NIPAL2: variants seen among roughly 807,000 people sequenced by gnomAD.
The protein encoded by NIPAL2 is NIPA like domain containing 2.
A neutral mutation model predicts 48.9 loss-of-function variants in NIPAL2; 43 were observed. The observed-to-expected ratio is 0.88, with a 90% CI of 0.69 to 1.13. The LOEUF is 1.13. Ranked by LOEUF, NIPAL2 falls within the 50% of genes most tolerant of loss-of-function variation. The pLI, the probability that NIPAL2 is intolerant of heterozygous loss-of-function variation, is 0.00. For missense variants in NIPAL2, 446 were observed against 461.4 expected, an observed-to-expected ratio of 0.97 and a Z score of 0.31; for synonymous variants, 167 against 174.6, an observed-to-expected ratio of 0.96 and a Z score of 0.34.
At chr8:98,207,192 A>C (rs1267496492) in intron 6 of NIPAL2, among the ~76,000 whole-genome samples, 2 of 152,226 alleles carry the variant, frequency 1.3e-5, no homozygotes, top group Non-Finnish European at 2.9e-5. Context: ...ATTGCAAAGG[A>C]CCTTAAAGGT....
Position 98,210,408 on chromosome 8 carries a change from G to A in NIPAL2, c.655+1997C>T, listed in dbSNP as rs1278715322. Among the ~76,000 whole-genome samples, 4 of 152,060 alleles carry A rather than the reference G, an allele frequency of 2.6e-5. No individual in the cohort carries two copies. The East Asian group carries it at 7.7e-4, about 29-fold the overall frequency. On this transcript the variant is annotated intron_variant, in intron 6 of 10. Coordinates refer to ENST00000430223, the MANE Select transcript of NIPAL2 (RefSeq NM_001321635.2). Reference sequence around the variant, plus strand: ...ATTTCCAGGTGGTAGGGTTTTACTGGTTTCTATTTTTGTTATTATTTTTCT... The same window carrying A: ...ATTTCCAGGTGGTAGGGTTTTACTGATTTCTATTTTTGTTATTATTTTTCT...
chr8:98,206,414 G>A (rs904968818), intron 6 of NIPAL2, among the ~76,000 whole-genome samples: 13 of 151,796 alleles, frequency 8.6e-5, no homozygotes, highest in South Asian at 2.1e-4. Flanking sequence ...CCATAATATC[G>A]TTTTCCAAAA....
intron 1 of NIPAL2, among the ~76,000 whole-genome samples, chr8:98,277,873 C>T (rs530332418): frequency 1.1e-4 from 17 of 152,258 alleles, no homozygotes; most frequent in African/African-American, 1.7e-4. Context: ...TCCATTCATC[C>T]GTTGATAGAT....
chr8:98,236,024 G>A (rs1303938716), intron 4 of NIPAL2, 131 bp downstream of exon 4: 7 of 611,894 alleles, frequency 1.1e-5, no homozygotes, highest in Non-Finnish European at 2.0e-5. Flanking sequence ...AATAATGCCT[G>A]ACTCTAAATG....
chr8:98,194,512 G>A (rs530633086), intron 10 of NIPAL2, among the ~76,000 whole-genome samples: 1 of 151,986 alleles, frequency 6.6e-6, no homozygotes. Flanking sequence ...GAGGAAACAT[G>A]GTCAGTTCTT....
At chr8:98,293,311 A>T (rs4288343) in intron 1 of NIPAL2, among the ~76,000 whole-genome samples, 21,296 of 152,212 alleles carry the variant, frequency 0.14, 2,557 homozygotes, top group African/African-American at 0.33. Context: ...TGGCCAGAAC[A>T]CTTCCTCATC....
rs935658163 is a variant in NIPAL2, at chr8:98,192,215, A to G, written c.*763T>C. On this transcript the variant is annotated 3_prime_UTR_variant, in exon 11 of 11. Coordinates refer to ENST00000430223, the MANE Select transcript of NIPAL2 (RefSeq NM_001321635.2). ...AACATTAGTCCTACTTTTTGTCTCT[A>G]ACGCTTCATGAATTTATGTGTCAGC... The G allele has an allele frequency of 6.6e-6, 1 of 152,120 alleles. No individual in the cohort carries two copies. The highest frequency in any genetic ancestry group is 2.4e-5 in the African/African-American group (1 of 41,420). The allele number at this position is 152,120 out of a possible 1,614,324, so 9.4% of individuals were successfully genotyped here. A position where few individuals can be genotyped will look rare whatever the true frequency, so the allele number is the denominator to read the frequency against.
rs1325890407 is a variant in NIPAL2 at position 98,191,060 on chromosome 8, T to A, written c.*1918A>T. 6.6e-6 allele frequency: 1 copy of A among 152,228 alleles called. No homozygotes were observed. Among genetic ancestry groups the A allele is most frequent in the Non-Finnish European group, 1.5e-5 (1 of 68,042 alleles). The allele number at this position is 152,228 out of a possible 1,614,324, so 9.4% of individuals were successfully genotyped here. A position where few individuals can be genotyped will look rare whatever the true frequency, so the allele number is the denominator to read the frequency against. On this transcript the variant is annotated 3_prime_UTR_variant, in exon 11 of 11. Transcript: ENST00000430223. ...TGTTGATTGCTTAAATGTGCATAAGTCAATGTCATTTCTCAAAACGTTTAA... is the reference window on the plus strand; with the variant it reads ...TGTTGATTGCTTAAATGTGCATAAGACAATGTCATTTCTCAAAACGTTTAA...
intron 4 of NIPAL2, among the ~76,000 whole-genome samples, chr8:98,224,755 C>CTTTCTTTTTTTTTTT (rs1812069416): frequency 8.1e-6 from 1 of 123,768 alleles, no homozygotes; most frequent in Non-Finnish European, 1.6e-5. Flanking sequence ...TCTTTCTTTT[C>CTTTCTTTTTTTTTTT]TTTTTTTTTT....
intron 2 of NIPAL2, 109 bp from the exon 3 acceptor site, chr8:98,252,743 T>G: frequency 1.1e-6 from 1 of 929,378 alleles, no homozygotes; most frequent in South Asian, 2.0e-5. Context: ...GCTAATTTAT[T>G]TTTGTATTTT....
intron 1 of NIPAL2, among the ~76,000 whole-genome samples, chr8:98,266,553 CA>C (rs1168587196): frequency 0.068 from 4,721 of 69,240 alleles, 162 homozygotes; most frequent in African/African-American, 0.16. Context: ...ACTCTGTCTC[CA>C]AAAAAAAAAA....
chr8:98,222,327 G>A, intron 5 of NIPAL2, 152 bp downstream of exon 5: 1 of 702,282 alleles, frequency 1.4e-6, no homozygotes, highest in Non-Finnish European at 2.1e-6. Flanking sequence ...TGCTGACTTA[G>A]TATTTCAAAT....
intron 1 of NIPAL2, among the ~76,000 whole-genome samples, chr8:98,256,125 G>A (rs1257687973): frequency 6.6e-6 from 1 of 152,034 alleles, no homozygotes; most frequent in Non-Finnish European, 1.5e-5. Context: ...AGAGGTTCAA[G>A]CGATTCTCGT....
At chr8:98,266,186 G>A (rs1814721568) in intron 1 of NIPAL2, among the ~76,000 whole-genome samples, 1 of 149,870 alleles carries the variant, frequency 6.7e-6, no homozygotes, top group Admixed American at 6.7e-5. Flanking sequence ...AATGCTAGAT[G>A]GCAACTTAGT....
rs181319487 is a variant in NIPAL2, at chr8:98,260,326, G to T, written c.136-6239C>A. ...CCGGTCTACAGCTCCCAGTGTGAGCGACGCAGAAGACGGTGATTTCTGCAT... is the reference window on the plus strand; with the variant it reads ...CCGGTCTACAGCTCCCAGTGTGAGCTACGCAGAAGACGGTGATTTCTGCAT... On this transcript the variant is annotated intron_variant, in intron 1 of 10. Coordinates refer to ENST00000430223, the MANE Select transcript of NIPAL2 (RefSeq NM_001321635.2). Among the ~76,000 whole-genome samples the T allele has an allele frequency of 2.4e-3, 365 of 152,308 alleles. 11 individuals are homozygous for T. In the East Asian group the frequency reaches 0.063, roughly 26 times the overall value.
At chr8:98,270,398 C>T (rs981905528) in intron 1 of NIPAL2, among the ~76,000 whole-genome samples, 1 of 152,072 alleles carries the variant, frequency 6.6e-6, no homozygotes, top group African/African-American at 2.4e-5. Flanking sequence ...GAGATGGTAT[C>T]TCATTGTGGT....
intron 3 of NIPAL2, among the ~76,000 whole-genome samples, chr8:98,247,737 G>A (rs1045822002): frequency 1.8e-4 from 28 of 152,234 alleles, no homozygotes; most frequent in African/African-American, 6.8e-4. Context: ...AGAGAGCAGA[G>A]AGTAAGTCTG....
At chr8:98,212,364 A>G in intron 6 of NIPAL2, 41 bp downstream of exon 6, 1 of 1,071,166 alleles carries the variant, frequency 9.3e-7, no homozygotes, top group Non-Finnish European at 1.4e-6. Context: ...ATGACTCAGC[A>G]CAGCTCAATT....
intron 4 of NIPAL2, among the ~76,000 whole-genome samples, chr8:98,232,967 A>G (rs140325338): frequency 2.6e-5 from 4 of 152,314 alleles, no homozygotes; most frequent in African/African-American, 7.2e-5. Context: ...CTTTTAAAAG[A>G]TGAGGAATTA....
Sources: allele counts gnomAD v4.1 joint callset (sites outside exome capture counted in the v4.1 genomes callset), GRCh38; gene constraint gnomAD v4.1.1; transcripts MANE v1.5; gene names NCBI Gene and HGNC (gene_info 2026-07-23, HGNC 2026-07-21).